The following VAV2 variants were observed in gnomAD, a reference collection of about 807,000 sequenced individuals.
The protein encoded by VAV2 is guanine nucleotide exchange factor VAV2.
VAV2 carries 67 observed loss-of-function variants against 132.5 expected under a neutral mutation model. The observed-to-expected ratio is 0.51, with a 90% CI of 0.42 to 0.62. VAV2 has a LOEUF of 0.62. Ranked by LOEUF, VAV2 falls within the 20% of genes least tolerant of loss-of-function variation. The probability of loss-of-function intolerance (pLI) is 0.00; values close to 1 mark genes in which losing one functional copy is unlikely to be tolerated. For missense variants in VAV2, 938 were observed against 1,153.6 expected (o/e 0.81, Z 2.71); for synonymous variants, 492 against 443.5 (o/e 1.11, Z -1.37).
intron 9 of VAV2, among the ~76,000 whole-genome samples, chr9:133,803,320 C>T (rs568084672): frequency 1.3e-5 from 2 of 152,282 alleles, no homozygotes; most frequent in East Asian, 3.9e-4. Flanking sequence ...TCGTGGCCTT[C>T]CTGCAGGGCT....
intron 2 of VAV2, among the ~76,000 whole-genome samples, chr9:133,915,814 G>GCA (rs1424880110): frequency 6.5e-5 from 2 of 30,836 alleles, no homozygotes; most frequent in Non-Finnish European, 2.2e-4. Flanking sequence ...ATGCACACAT[G>GCA]CACTCACACA....
intron 1 of VAV2, among the ~76,000 whole-genome samples, chr9:133,980,218 G>T (rs1404993859): frequency 2.0e-5 from 3 of 152,200 alleles, no homozygotes; most frequent in Non-Finnish European, 4.4e-5. Context: ...GGTGGAGGGG[G>T]GAAGTGAATG....
intron 1 of VAV2, among the ~76,000 whole-genome samples, chr9:133,967,740 C>T (rs376059141): frequency 1.0e-3 from 137 of 136,000 alleles, no homozygotes; most frequent in African/African-American, 3.7e-3. Flanking sequence ...GAGACCAGCC[C>T]GCCCAACGTG....
chr9:133,951,031 A>G (rs1254533164), intron 1 of VAV2, among the ~76,000 whole-genome samples: 1 of 152,210 alleles, frequency 6.6e-6, no homozygotes, highest in Non-Finnish European at 1.5e-5. Flanking sequence ...ATCGCTCTCC[A>G]GTCTGAAGGA....
At chr9:133,981,200 T>C (rs1364287369) in intron 1 of VAV2, among the ~76,000 whole-genome samples, 1 of 152,200 alleles carries the variant, frequency 6.6e-6, no homozygotes, top group Non-Finnish European at 1.5e-5. Flanking sequence ...AACAGCTCCC[T>C]TCCCCATCTC....
In VAV2 at chr9:133,977,086, A is replaced by T. The variant is rs542762531; in HGVS notation, c.204+14989T>A. Among the ~76,000 whole-genome samples the T allele has an allele frequency of 4.6e-5, 7 of 152,348 alleles. No individual in the cohort carries two copies. The East Asian group carries it at 1.4e-3, about 29-fold the overall frequency. On this transcript the variant is annotated intron_variant, in intron 1 of 29. Coordinates refer to ENST00000371850, the MANE Select transcript of VAV2 (RefSeq NM_001134398.2). ...GCTGGGAGTTGCGGAGCCCAGCTCC[A>T]GGCCCAGGCCACGCCCAGCCGCCCT...
intron 1 of VAV2, among the ~76,000 whole-genome samples, chr9:133,963,701 A>G (rs1304775048): frequency 1.3e-5 from 2 of 152,206 alleles, no homozygotes; most frequent in African/African-American, 4.8e-5. Flanking sequence ...CACGTGAAAC[A>G]TGGCATGATT....
At chr9:133,890,854 G>T (rs1838903521) in intron 2 of VAV2, among the ~76,000 whole-genome samples, 1 of 152,110 alleles carries the variant, frequency 6.6e-6, no homozygotes, top group Non-Finnish European at 1.5e-5. Context: ...TGCTTGTGGG[G>T]ACTATGGCAC....
chr9:133,911,448 T>A (rs1423909132), intron 2 of VAV2, among the ~76,000 whole-genome samples: 1 of 152,156 alleles, frequency 6.6e-6, no homozygotes, highest in South Asian at 2.1e-4. Flanking sequence ...TCTATGGAGG[T>A]ATGATCCACA....
intron 12 of VAV2, among the ~76,000 whole-genome samples, chr9:133,793,748 C>A (rs918763756): frequency 6.6e-6 from 1 of 152,010 alleles, no homozygotes; most frequent in African/African-American, 2.4e-5. Flanking sequence ...GACCTAAAAC[C>A]GCAATTCCCT....
chr9:133,832,800 C>T (rs1348648432), intron 4 of VAV2, among the ~76,000 whole-genome samples: 1 of 152,092 alleles, frequency 6.6e-6, no homozygotes, highest in East Asian at 1.9e-4. Flanking sequence ...CTCAGGTGAT[C>T]CGCCCGCCTC....
rs1836400247 is a variant in VAV2 at position 133,834,790 on chromosome 9, G to A, written c.381-450C>T. Among the ~76,000 whole-genome samples, 1 of 152,216 alleles carries A rather than the reference G, an allele frequency of 6.6e-6. No homozygotes were observed. Among genetic ancestry groups the A allele is most frequent in the Admixed American group, 6.5e-5 (1 of 15,292 alleles). On this transcript the variant is annotated intron_variant, in intron 3 of 29. Coordinates refer to ENST00000371850, the MANE Select transcript of VAV2 (RefSeq NM_001134398.2). The surrounding 1 kb of genome is among the most constrained non-coding windows in gnomAD (Gnocchi z 5.9). ...CCACGCAGGAGAGGAAGCAGGAGGG[G>A]ACTCCGGAAGGGAGGGGTGACTTCT...
chr9:133,796,655 C>T, intron 10 of VAV2, 131 bp from the exon 11 acceptor site: 1 of 778,578 alleles, frequency 1.3e-6, no homozygotes, highest in East Asian at 2.7e-5. Flanking sequence ...CCTTCTCTAG[C>T]CAGGCTCCCG....
rs377567715 is a variant in VAV2 at position 133,764,674 on chromosome 9, T to A, written c.2590-565A>T. Among the ~76,000 whole-genome samples the A allele has an allele frequency of 1.2e-4, 18 of 152,084 alleles. 1 individual carries two copies. The highest frequency in any genetic ancestry group is 4.1e-4 in the African/African-American group (17 of 41,512). On this transcript the variant is annotated intron_variant, in intron 29 of 29. Transcript: ENST00000371850. ...AGACAAAGCAGAAGAGAAGACAAAC[T>A]GTAAGACAGGTCACCAGAAAGTGAC...
rs1303719572 is a variant in VAV2, at chr9:133,833,385, C to T, written c.449+887G>A. 3.9e-5 allele frequency among the ~76,000 whole-genome samples: 6 copies of T among 152,142 alleles called. No homozygotes were observed. The highest frequency in any genetic ancestry group is 9.7e-5 in the African/African-American group (4 of 41,422). On this transcript the variant is annotated intron_variant, in intron 4 of 29. Coordinates refer to ENST00000371850, the MANE Select transcript of VAV2 (RefSeq NM_001134398.2). This position sits in a 1 kb window ranked among gnomAD's most constrained non-coding sequence, Gnocchi z 5.6. ...GTCATTCTCAGTCTGTGCTCTAAAA[C>T]GAAGGGAGAGAGAAACACTAAGAGT...
chr9:133,909,980 CT>C (rs769894027), intron 2 of VAV2, among the ~76,000 whole-genome samples: 161 of 146,886 alleles, frequency 1.1e-3, no homozygotes, highest in Middle Eastern at 7.2e-3. Flanking sequence ...TATGCTAGCA[CT>C]CCATCAGACA....
chr9:133,795,725 G>A lies in VAV2; in HGVS notation c.1044C>T (p.Ser348=). The change falls in exon 12 of 30, where the codon AGC becomes AGT. Residue 348 remains serine (S), a synonymous_variant. Coordinates refer to ENST00000371850, the MANE Select transcript of VAV2 (RefSeq NM_001134398.2). ...KYHLLLKELL[S]HSAERPERQQ... The stretch of plus-strand genomic sequence containing the variant: ...GCCTCTCAGGCCGTTCCGCAGAATG[G>A]CTCAGAAGCTCCTGGAAGGGTGAGA... 1 of 1,613,978 alleles carries A rather than the reference G, an allele frequency of 6.2e-7. No individual in the cohort carries two copies.
In VAV2 at chr9:133,885,134, A is replaced by T; in HGVS notation, c.322-23702T>A. Reference sequence around the variant, plus strand: ...GGCAAGCACAGCCAATATTCATCAAAATGCATGAATCTTCTCTGAACCAGT... The same window carrying T: ...GGCAAGCACAGCCAATATTCATCAATATGCATGAATCTTCTCTGAACCAGT... On this transcript the variant is annotated intron_variant, in intron 2 of 29. Transcript: ENST00000371850. This position sits in a 1 kb window ranked among gnomAD's most constrained non-coding sequence, Gnocchi z 5.0. Among the ~76,000 whole-genome samples, 1 of 152,324 alleles carries T rather than the reference A, an allele frequency of 6.6e-6. No homozygotes were observed.
intron 1 of VAV2, among the ~76,000 whole-genome samples, chr9:133,977,416 C>T (rs1292396970): frequency 6.6e-6 from 1 of 152,186 alleles, no homozygotes; most frequent in Non-Finnish European, 1.5e-5. Context: ...TCTCAGGATG[C>T]GGCGCTCATG....
Sources: allele counts gnomAD v4.1 joint callset (sites outside exome capture counted in the v4.1 genomes callset), GRCh38; gene constraint gnomAD v4.1.1; non-coding constraint Gnocchi (gnomAD v3.1); transcripts MANE v1.5; gene names NCBI Gene and HGNC (gene_info 2026-07-23, HGNC 2026-07-21).